The following ARPP21 variants were observed in gnomAD, a reference collection of about 807,000 sequenced individuals.
ARPP21 encodes the protein cAMP regulated phosphoprotein 21.
A neutral mutation model predicts 113.2 loss-of-function variants in ARPP21; 69 were observed. That is an observed-to-expected ratio of 0.61 (90% CI 0.50 to 0.74). The LOEUF is 0.74. ARPP21 is among the 30% of genes least tolerant of loss of function. The pLI is 0.00. For missense variants in ARPP21, 1,070 were observed against 1,037.4 expected, an observed-to-expected ratio of 1.03 and a Z score of -0.43; for synonymous variants, 368 against 375.5, an observed-to-expected ratio of 0.98 and a Z score of 0.23.
At chr3:35,710,448 T>C (rs1244852330) in intron 11 of ARPP21, among the ~76,000 whole-genome samples, 1 of 152,114 alleles carries the variant, frequency 6.6e-6, no homozygotes, top group African/African-American at 2.4e-5. Flanking sequence ...TTTTCCTGTC[T>C]GAAGACCTTC....
chr3:35,654,238 A>G (rs1030572977), intron 1 of ARPP21, among the ~76,000 whole-genome samples: 1 of 151,960 alleles, frequency 6.6e-6, no homozygotes, highest in Admixed American at 6.6e-5. Context: ...GGAAAATTGC[A>G]TTTTCATTTT....
At chr3:35,786,926 A>C (rs2096645867) in intron 19 of ARPP21, among the ~76,000 whole-genome samples, 1 of 152,156 alleles carries the variant, frequency 6.6e-6, no homozygotes, top group South Asian at 2.1e-4. Flanking sequence ...TGATACTAAA[A>C]TATCAAGCTG....
At chr3:35,674,427 G>T (rs1180430223) in intron 1 of ARPP21, among the ~76,000 whole-genome samples, 1 of 151,938 alleles carries the variant, frequency 6.6e-6, no homozygotes, top group East Asian at 1.9e-4. Context: ...TGAGATCCTG[G>T]CTTTTTGCTT....
chr3:35,777,793 G>A (rs182494779), intron 19 of ARPP21, among the ~76,000 whole-genome samples: 13 of 152,276 alleles, frequency 8.5e-5, no homozygotes, highest in Admixed American at 2.0e-4. Context: ...AACAAAATGA[G>A]TAGTACTGCT....
chr3:35,762,489 T>C (rs1253744331), intron 19 of ARPP21, among the ~76,000 whole-genome samples: 1 of 152,068 alleles, frequency 6.6e-6, no homozygotes, highest in African/African-American at 2.4e-5. Flanking sequence ...AACTTTCAGG[T>C]CCTCATATAT....
chr3:35,674,651 C>G (rs1324984365), intron 1 of ARPP21, among the ~76,000 whole-genome samples: 1 of 151,740 alleles, frequency 6.6e-6, no homozygotes, highest in Non-Finnish European at 1.5e-5. Flanking sequence ...AATTGGGCAG[C>G]TAGATCTCAG....
chr3:35,731,105 A>G (rs531454599), intron 15 of ARPP21, among the ~76,000 whole-genome samples: 10 of 152,350 alleles, frequency 6.6e-5, no homozygotes, highest in South Asian at 6.2e-4. Context: ...GAGGGCTTGC[A>G]GAAAAGAGAA....
intron 10 of ARPP21, 125 bp downstream of exon 10, chr3:35,707,207 C>T (rs536283699): frequency 4.6e-5 from 33 of 712,674 alleles, no homozygotes; most frequent in Admixed American, 1.4e-4. Flanking sequence ...ATACCACTGT[C>T]CTATCTCCAA....
intron 19 of ARPP21, among the ~76,000 whole-genome samples, chr3:35,754,026 C>T (rs2095491857): frequency 6.8e-6 from 1 of 147,764 alleles, no homozygotes; most frequent in Non-Finnish European, 1.5e-5. Flanking sequence ...CTGTTCTTCA[C>T]CTTGATTTTT....
intron 15 of ARPP21, among the ~76,000 whole-genome samples, chr3:35,733,961 A>C (rs2094172146): frequency 6.6e-6 from 1 of 152,328 alleles, no homozygotes; most frequent in South Asian, 2.1e-4. Flanking sequence ...TTTTGGGATT[A>C]TATTTTAAAA....
chr3:35,768,013 T>G (rs2096048218), intron 19 of ARPP21, among the ~76,000 whole-genome samples: 1 of 151,880 alleles, frequency 6.6e-6, no homozygotes, highest in Non-Finnish European at 1.5e-5. Context: ...CTTGCTTGTC[T>G]GAGGCCTGAC....
intron 7 of ARPP21, 122 bp downstream of exon 7, chr3:35,689,507 A>T: frequency 3.3e-6 from 2 of 609,640 alleles, no homozygotes; most frequent in Non-Finnish European, 5.9e-6. Context: ...CTGACGTCTT[A>T]AACTGTCTCC....
chr3:35,660,676 G>A (rs1707336498), intron 1 of ARPP21, among the ~76,000 whole-genome samples: 1 of 152,176 alleles, frequency 6.6e-6, no homozygotes, highest in Non-Finnish European at 1.5e-5. Flanking sequence ...CTTCTTGGGG[G>A]ATAATTATCA....
intron 15 of ARPP21, among the ~76,000 whole-genome samples, chr3:35,731,332 G>T (rs2093944922): frequency 6.6e-6 from 1 of 152,070 alleles, no homozygotes; most frequent in South Asian, 2.1e-4. Flanking sequence ...TTTTTCATTG[G>T]ACCGAGTCAT....
At chr3:35,717,473 T>C (rs2092575925) in intron 13 of ARPP21, 116 bp downstream of exon 13, 2 of 685,746 alleles carry the variant, frequency 2.9e-6, no homozygotes, top group Admixed American at 4.5e-5. Context: ...AGTCTGGTTA[T>C]CTCTTTGTAA....
At chr3:35,707,317 G>A (rs1462048265) in intron 10 of ARPP21, 1 of 636,296 alleles carries the variant, frequency 1.6e-6, no homozygotes, top group South Asian at 1.6e-5. Flanking sequence ...GGCTGCATGG[G>A]TGGTGCTTGG....
In ARPP21 at chr3:35,712,521, TG is replaced by T. The variant is rs1456620602; in HGVS notation, c.898-2917del. ...TCTTGGTGTCTAAGGTGTCTGTGTG[TG>T]TGTGTGTGTGTGTGTGTGTGTGTGT... On this transcript the variant is annotated intron_variant, in intron 11 of 20. Transcript: ENST00000684406. Among the ~76,000 whole-genome samples the T allele has an allele frequency of 6.4e-3, 633 of 99,656 alleles. 6 individuals carry two copies. Among genetic ancestry groups the T allele is most frequent in the African/African-American group, 0.026 (609 of 23,046 alleles). 65.4% of individuals were successfully genotyped at this position (99,656 alleles called of 152,430 possible).
chr3:35,700,542 T>C (rs1435202005), intron 9 of ARPP21, among the ~76,000 whole-genome samples: 1 of 151,614 alleles, frequency 6.6e-6, no homozygotes, highest in Non-Finnish European at 1.5e-5. Context: ...CAATACTTTA[T>C]CCCTGATTTT....
In ARPP21 at chr3:35,737,247, G is replaced by A. The variant is rs376713321; in HGVS notation, c.1529G>A (p.Arg510Gln). ...YNPPTSQQPL[R>Q]SAMVGQSQQQ... ...CCACCCACCAGTCAGCAGCCCCTGC[G>A]AAGCGCCATGGTGGGGCAGTCCCAA... is the stretch of plus-strand genomic sequence containing the variant. Residue 510 changes from arginine to glutamine, a missense_variant, in exon 16 of 21, where the codon CGA (arginine) becomes CAA (glutamine). Physicochemically the swap from Arg to Gln is conservative, Grantham distance 43. Coordinates refer to ENST00000684406, the MANE Select transcript of ARPP21 (RefSeq NM_001385562.1). The A allele has an allele frequency of 1.3e-5, 21 of 1,612,858 alleles. No individual in the cohort carries two copies. The Admixed American group carries it at 1.3e-4, about 10-fold the overall frequency.
Sources: allele counts gnomAD v4.1 joint callset (sites outside exome capture counted in the v4.1 genomes callset), GRCh38; gene constraint gnomAD v4.1.1; transcripts MANE v1.5; gene names NCBI Gene and HGNC (gene_info 2026-07-23, HGNC 2026-07-21).